DACH2: variants seen among roughly 807,000 people sequenced by gnomAD.
DACH2 encodes dachshund homolog 2.
DACH2 carries 17 observed loss-of-function variants against 35.8 expected under a neutral mutation model. The ratio of observed to expected loss-of-function variants is 0.48; its 90% CI spans 0.33 to 0.71. The LOEUF (loss-of-function observed/expected upper bound fraction) is 0.71. Among genes scored for constraint, DACH2 ranks in the 30% least tolerant of loss-of-function variants. The pLI is 0.02. For missense variants in DACH2, 469 were observed against 472.7 expected, an observed-to-expected ratio of 0.99 and a Z score of 0.07; for synonymous variants, 195 against 177.3, an observed-to-expected ratio of 1.10 and a Z score of -0.79.
intron 7 of DACH2, among the ~76,000 whole-genome samples, chrX:86,805,467 A>G (rs778675456): frequency 8.9e-6 from 1 of 111,847 alleles, no homozygotes; most frequent in Non-Finnish European, 1.9e-5. Flanking sequence ...CCTTTGAGGC[A>G]TTTTCCCTAT....
chrX:86,506,723 A>G (rs2038329436), intron 2 of DACH2, among the ~76,000 whole-genome samples: 1 of 111,884 alleles, frequency 8.9e-6, no homozygotes, highest in African/African-American at 3.2e-5. Flanking sequence ...GGCTTACATG[A>G]TTAGATTGGC....
chrX:86,824,181 G>A (rs750258049), intron 11 of DACH2, among the ~76,000 whole-genome samples: 36 of 110,451 alleles, frequency 3.3e-4, no homozygotes, highest in Non-Finnish European at 6.6e-4. Context: ...CGCATAAGAC[G>A]GACACTCCCA....
intron 1 of DACH2, among the ~76,000 whole-genome samples, chrX:86,284,524 T>G (rs755641730): frequency 1.8e-4 from 20 of 111,440 alleles, no homozygotes; most frequent in Non-Finnish European, 3.4e-4. Context: ...GCAATATTCA[T>G]CAGAGTTACT....
chrX:86,573,847 C>T (rs775999311), intron 3 of DACH2, among the ~76,000 whole-genome samples: 7 of 111,584 alleles, frequency 6.3e-5, no homozygotes, highest in East Asian at 5.7e-4. Flanking sequence ...GCTGCAAATA[C>T]TTTTATGTCT....
chrX:86,266,650 G>A (rs776043607), intron 1 of DACH2, among the ~76,000 whole-genome samples: 1 of 111,436 alleles, frequency 9.0e-6, no homozygotes, highest in African/African-American at 3.3e-5. Flanking sequence ...GCCCGGTTTT[G>A]AGTATTACCT....
At position 86,520,660 on chromosome X, in the gene DACH2, C is replaced by A. The variant is rs761489867; in HGVS notation, c.640+6269C>A. Among the ~76,000 whole-genome samples the A allele has an allele frequency of 1.0e-3, 115 of 111,043 alleles. 1 individual carries two copies. The highest frequency in any genetic ancestry group is 1.9e-3 in the Non-Finnish European group (102 of 52,899). Reference sequence around the variant, plus strand: ...TAAAGACTTTACCATTATGTAATGCCCCTTCTTAAAAATATTTCATTGGTT... The same window carrying A: ...TAAAGACTTTACCATTATGTAATGCACCTTCTTAAAAATATTTCATTGGTT... On this transcript the variant is annotated intron_variant, in intron 3 of 11. Coordinates refer to ENST00000373125, the MANE Select transcript of DACH2 (RefSeq NM_053281.3).
At chrX:86,380,196 C>G (rs189702303) in intron 2 of DACH2, among the ~76,000 whole-genome samples, 2 of 110,487 alleles carry the variant, frequency 1.8e-5, no homozygotes, top group East Asian at 5.7e-4. Context: ...ATCGTAACAA[C>G]TCTATAAGAT....
At chrX:86,495,193 G>A (rs975435445) in intron 2 of DACH2, among the ~76,000 whole-genome samples, 2 of 109,759 alleles carry the variant, frequency 1.8e-5, no homozygotes, top group African/African-American at 3.3e-5. Flanking sequence ...GACTACGAGC[G>A]CCTGCTACCA....
At chrX:86,814,100 T>C (rs1407000472) in intron 9 of DACH2, among the ~76,000 whole-genome samples, 1 of 111,146 alleles carries the variant, frequency 9.0e-6, no homozygotes, top group Non-Finnish European at 1.9e-5. Context: ...TGACTGTATA[T>C]GCACATACAG....
chrX:86,175,014 T>A (rs1452307351), intron 1 of DACH2, among the ~76,000 whole-genome samples: 2 of 111,364 alleles, frequency 1.8e-5, no homozygotes, highest in Non-Finnish European at 3.8e-5. Context: ...AGATGTAGAG[T>A]AGGCATTAGA....
chrX:86,527,157 T>C (rs2038645587), intron 3 of DACH2, among the ~76,000 whole-genome samples: 1 of 111,486 alleles, frequency 9.0e-6, no homozygotes, highest in Non-Finnish European at 1.9e-5. Context: ...TATAGTTATT[T>C]GAGAAGACTA....
intron 3 of DACH2, among the ~76,000 whole-genome samples, chrX:86,598,680 T>C: frequency 9.0e-6 from 1 of 110,923 alleles, no homozygotes; most frequent in Non-Finnish European, 1.9e-5. Context: ...ATTTCTTTCC[T>C]CGTCACTGCT....
intron 7 of DACH2, among the ~76,000 whole-genome samples, chrX:86,778,029 C>A (rs2078084317): frequency 9.0e-6 from 1 of 111,134 alleles, no homozygotes; most frequent in South Asian, 3.7e-4. Context: ...AAGTATAATC[C>A]ATTCATTTGT....
chrX:86,630,843 G>A (rs1285233884), intron 3 of DACH2, among the ~76,000 whole-genome samples: 1 of 110,982 alleles, frequency 9.0e-6, no homozygotes, highest in Non-Finnish European at 1.9e-5. Flanking sequence ...GACACCTGAA[G>A]TGCCTGTTAT....
intron 1 of DACH2, among the ~76,000 whole-genome samples, chrX:86,154,028 T>C (rs1602237628): frequency 8.9e-6 from 1 of 111,805 alleles, no homozygotes; most frequent in Non-Finnish European, 1.9e-5. Context: ...ATGTTTTATA[T>C]GGTTTTACAC....
At chrX:86,740,148 T>C (rs2041638716) in intron 7 of DACH2, among the ~76,000 whole-genome samples, 1 of 110,857 alleles carries the variant, frequency 9.0e-6, no homozygotes, top group African/African-American at 3.3e-5. Context: ...TTGTAGAGTA[T>C]GGGTGAGTTC....
At chrX:86,428,657 A>T (rs927119064) in intron 2 of DACH2, among the ~76,000 whole-genome samples, 1 of 111,406 alleles carries the variant, frequency 9.0e-6, no homozygotes, top group Non-Finnish European at 1.9e-5. Flanking sequence ...TTACTTAGAA[A>T]TTTTTTTAAA....
chrX:86,569,241 C>T (rs1277469395), intron 3 of DACH2, among the ~76,000 whole-genome samples: 1 of 110,930 alleles, frequency 9.0e-6, no homozygotes, highest in Non-Finnish European at 1.9e-5. Flanking sequence ...AGGTAATGCT[C>T]ATCGTTGATG....
At chrX:86,563,671 T>G (rs2039255766) in intron 3 of DACH2, among the ~76,000 whole-genome samples, 1 of 110,378 alleles carries the variant, frequency 9.1e-6, no homozygotes, top group African/African-American at 3.3e-5. Context: ...AGCAGTCTCA[T>G]GTTTTGTCTT....
Sources: allele counts gnomAD v4.1 joint callset (sites outside exome capture counted in the v4.1 genomes callset), GRCh38; gene constraint gnomAD v4.1.1; transcripts MANE v1.5; gene names NCBI Gene and HGNC (gene_info 2026-07-23, HGNC 2026-07-21).